ERC2: variants seen among roughly 807,000 people sequenced by gnomAD.
The protein encoded by ERC2 is ELKS/RAB6-interacting/CAST family member 2.
Under a neutral mutation model 114.8 loss-of-function variants are expected in ERC2, and 42 were observed. The observed-to-expected ratio is 0.37, with a 90% CI of 0.29 to 0.47. The LOEUF (loss-of-function observed/expected upper bound fraction) is 0.47. Among genes scored for constraint, ERC2 ranks in the 20% least tolerant of loss-of-function variants. The pLI, the probability that ERC2 is intolerant of heterozygous loss-of-function variation, is 0.99. For synonymous variants in ERC2, 454 were observed against 425.5 expected (o/e 1.07, Z -0.82); for missense variants, 939 against 1,150.7 (o/e 0.82, Z 2.66).
At chr3:56,022,786 A>G (rs920463440) in intron 7 of ERC2, among the ~76,000 whole-genome samples, 13 of 152,316 alleles carry the variant, frequency 8.5e-5, no homozygotes, top group Admixed American at 6.5e-4. Context: ...CCTTAGCAAC[A>G]CAGACAACAA....
In ERC2 at chr3:56,166,469, C is replaced by T. The variant is rs140823326; in HGVS notation, c.1149+6977G>A. Among the ~76,000 whole-genome samples, 119 of 151,998 alleles carry T rather than the reference C, an allele frequency of 7.8e-4. 1 individual carries two copies. In the East Asian group the frequency reaches 0.017, roughly 22 times the overall value. On this transcript the variant is annotated intron_variant, in intron 4 of 17. Coordinates refer to ENST00000288221, the MANE Select transcript of ERC2 (RefSeq NM_015576.3). ...TCATTTCCTCTTCAAACATTTGGTA[C>T]AATTCACTCAAAAAAGCCATCTGGG...
Position 56,040,597 on chromosome 3 carries a change from A to ATACATATACATATACATG in ERC2, c.1642-21567_1642-21566insCATGTATATGTATATGTA, listed in dbSNP as rs1322857766. Among the ~76,000 whole-genome samples, 67 of 2,704 alleles carry ATACATATACATATACATG rather than the reference A, an allele frequency of 0.025. 5 individuals are homozygous for ATACATATACATATACATG. In the East Asian group the frequency reaches 0.29, roughly 12 times the overall value. 1.8% of individuals were successfully genotyped at this position (2,704 alleles called of 152,430 possible). ...TATGTATACATATACATATATATCT[A>ATACATATACATATACATG]TATATGTATATATAATATATAGATG... On this transcript the variant is annotated intron_variant, in intron 7 of 17. Coordinates refer to ENST00000288221, the MANE Select transcript of ERC2 (RefSeq NM_015576.3).
chr3:56,263,500 C>G (rs1422945859), intron 3 of ERC2, among the ~76,000 whole-genome samples: 1 of 152,092 alleles, frequency 6.6e-6, no homozygotes, highest in African/African-American at 2.4e-5. Flanking sequence ...CAGCAGCCCC[C>G]CGCAGAGAAA....
intron 2 of ERC2, among the ~76,000 whole-genome samples, chr3:56,336,309 A>C (rs1264356548): frequency 6.6e-6 from 1 of 152,236 alleles, no homozygotes; most frequent in Non-Finnish European, 1.5e-5. Context: ...AAAAGTGTTT[A>C]TCAAGTGTTG....
At chr3:55,646,830 C>G (rs1307117626) in intron 17 of ERC2, among the ~76,000 whole-genome samples, 1 of 152,134 alleles carries the variant, frequency 6.6e-6, no homozygotes, top group East Asian at 1.9e-4. Context: ...GATAGGAAAG[C>G]TAAGGCACAG....
At chr3:55,715,878 G>T (rs2064090903) in intron 15 of ERC2, among the ~76,000 whole-genome samples, 1 of 152,126 alleles carries the variant, frequency 6.6e-6, no homozygotes, top group Admixed American at 6.5e-5. Flanking sequence ...TACAATGGAA[G>T]GAAGCTGTTA....
intron 15 of ERC2, among the ~76,000 whole-genome samples, chr3:55,717,180 C>CA (rs2064173220): frequency 1.3e-5 from 2 of 152,204 alleles, no homozygotes; most frequent in Admixed American, 1.3e-4. Context: ...TTTTTAAAGA[C>CA]TGTGCCTTGA....
intron 1 of ERC2, among the ~76,000 whole-genome samples, chr3:56,457,894 A>T (rs1460275533): frequency 6.6e-6 from 1 of 151,562 alleles, no homozygotes; most frequent in Admixed American, 6.6e-5. Context: ...TTCATCCATG[A>T]CTCTCCTAAG....
At chr3:55,651,953 A>T (rs2060641524) in intron 17 of ERC2, among the ~76,000 whole-genome samples, 1 of 152,224 alleles carries the variant, frequency 6.6e-6, no homozygotes, top group Non-Finnish European at 1.5e-5. Context: ...TTAGCTCCAA[A>T]GCCTGCTTGG....
At chr3:55,625,095 C>A (rs769655920) in intron 17 of ERC2, among the ~76,000 whole-genome samples, 1 of 152,112 alleles carries the variant, frequency 6.6e-6, no homozygotes, top group African/African-American at 2.4e-5. Flanking sequence ...AGGCCAGGCA[C>A]GGTGGCTCAC....
At chr3:56,047,843 C>T (rs1031381241) in intron 7 of ERC2, among the ~76,000 whole-genome samples, 17 of 152,088 alleles carry the variant, frequency 1.1e-4, no homozygotes, top group African/African-American at 4.1e-4. Context: ...AAATAAGGGG[C>T]AAGTGGCTAA....
intron 6 of ERC2, among the ~76,000 whole-genome samples, chr3:56,089,818 G>A (rs1327623548): frequency 6.6e-6 from 1 of 152,184 alleles, no homozygotes; most frequent in Admixed American, 6.5e-5. Context: ...ACGGTTGGCT[G>A]AGCCCTGTCA....
intron 14 of ERC2, among the ~76,000 whole-genome samples, chr3:55,830,010 C>G (rs1001682210): frequency 6.6e-6 from 1 of 152,282 alleles, no homozygotes; most frequent in South Asian, 2.1e-4. Flanking sequence ...AAAAACCCAC[C>G]TGCAGCTACA....
intron 2 of ERC2, among the ~76,000 whole-genome samples, chr3:56,356,414 T>A (rs549592911): frequency 6.6e-6 from 1 of 152,318 alleles, no homozygotes; most frequent in African/African-American, 2.4e-5. Context: ...GGTAAGCTCA[T>A]GTAGGTGGAC....
chr3:56,273,762 T>G (rs1472114012), intron 3 of ERC2, among the ~76,000 whole-genome samples: 2 of 152,196 alleles, frequency 1.3e-5, no homozygotes, highest in Non-Finnish European at 2.9e-5. Flanking sequence ...TGAAGCCCCT[T>G]CCCAAGACAC....
At position 55,736,500 on chromosome 3, in the gene ERC2, A is replaced by AT. The variant is rs907162620; in HGVS notation, c.2565-1583dup. Among the ~76,000 whole-genome samples, 11 of 151,786 alleles carry AT rather than the reference A, an allele frequency of 7.2e-5. No individual in the cohort carries two copies. In the East Asian group the frequency reaches 1.2e-3, roughly 16 times the overall value. On this transcript the variant is annotated intron_variant, in intron 14 of 17. Coordinates refer to ENST00000288221, the MANE Select transcript of ERC2 (RefSeq NM_015576.3). ...GTCATCTGTCACATTACACTACTTC[A>AT]TTTTTTTTATAGAACTCTTTGCCAT...
chr3:55,974,077 C>A (rs2069387256), intron 12 of ERC2, among the ~76,000 whole-genome samples: 2 of 152,190 alleles, frequency 1.3e-5, no homozygotes, highest in Admixed American at 1.3e-4. Context: ...GAAGCCAGCA[C>A]AGATCCTTTC....
chr3:55,667,257 T>A (rs1021722226), intron 17 of ERC2, among the ~76,000 whole-genome samples: 8 of 152,218 alleles, frequency 5.3e-5, no homozygotes, highest in Admixed American at 2.6e-4. Context: ...GGGAAGATAG[T>A]GCTCATCTTA....
intron 7 of ERC2, among the ~76,000 whole-genome samples, chr3:56,062,651 G>T (rs959223687): frequency 2.0e-5 from 3 of 152,032 alleles, no homozygotes; most frequent in African/African-American, 7.3e-5. Flanking sequence ...GCACACACAT[G>T]AACACACACC....
Sources: gnomAD v4.1 joint callset for allele counts (sites outside exome capture counted in the v4.1 genomes callset) on GRCh38, gnomAD v4.1.1 for gene constraint, MANE v1.5 for transcripts, NCBI Gene and HGNC (gene_info 2026-07-23, HGNC 2026-07-21) for gene names.